ELAPOR1: variants seen among roughly 807,000 people sequenced by gnomAD.
ELAPOR1 encodes endosome/lysosome-associated apoptosis and autophagy regulator 1.
Under a neutral mutation model 119.7 loss-of-function variants are expected in ELAPOR1, and 77 were observed. The observed-to-expected ratio is 0.64, with a 90% CI of 0.54 to 0.78. ELAPOR1 has a LOEUF of 0.78. Ranked by LOEUF, ELAPOR1 falls within the 30% of genes least tolerant of loss-of-function variation. The pLI, the probability that ELAPOR1 is intolerant of heterozygous loss-of-function variation, is 0.00. For synonymous variants in ELAPOR1, 481 were observed against 487.2 expected, an observed-to-expected ratio of 0.99 and a Z score of 0.17; for missense variants, 1,115 against 1,270.4, an observed-to-expected ratio of 0.88 and a Z score of 1.86.
intron 1 of ELAPOR1, among the ~76,000 whole-genome samples, chr1:109,120,575 A>G (rs191968518): frequency 6.6e-6 from 1 of 152,192 alleles, no homozygotes; most frequent in African/African-American, 2.4e-5. Context: ...AGCAATCAAT[A>G]TCCATTGTTT....
Position 109,171,911 on chromosome 1 carries a change from C to G in ELAPOR1, c.513C>G (p.Asp171Glu). Residue 171 changes from aspartate (D) to glutamate (E), a missense_variant, in exon 4 of 22, where the codon GAC (aspartate) becomes GAG (glutamate). By Grantham distance (45) the Asp-to-Glu change is conservative (BLOSUM62 2). Coordinates refer to ENST00000369939, the MANE Select transcript of ELAPOR1 (RefSeq NM_020775.5). ...GCGACTACATCGCCTCCAACACGGA[C>G]GAATGCACAGCCACACTGATGTACG... ...PRGDYIASNT[D>E]ECTATLMYAV... is the part of the protein sequence containing the mutation. 6.2e-7 allele frequency: 1 copy of G among 1,614,198 alleles called. No homozygotes were observed. Among genetic ancestry groups the G allele is most frequent in the South Asian group, 1.1e-5 (1 of 91,088 alleles).
intron 1 of ELAPOR1, among the ~76,000 whole-genome samples, chr1:109,150,755 C>T (rs606823): frequency 0.59 from 89,186 of 152,052 alleles, 28,447 homozygotes; most frequent in East Asian, 0.91. Flanking sequence ...CTTCCCCCTT[C>T]GAAGGGGCTG....
rs191982248 is a variant in ELAPOR1 at position 109,163,050 on chromosome 1, C to T, written c.274+1036C>T. On this transcript the variant is annotated intron_variant, in intron 2 of 21. Transcript: ENST00000369939. ...ACTGAGCCAGCCATCCCCAGAGGAG[C>T]GCAGAGCCTAGTGGGTGGCAGACAT... Among the ~76,000 whole-genome samples, 4 of 152,334 alleles carry T rather than the reference C, an allele frequency of 2.6e-5. No individual in the cohort carries two copies. The East Asian group carries it at 7.7e-4, about 29-fold the overall frequency.
intron 20 of ELAPOR1, among the ~76,000 whole-genome samples, 190 bp from the exon 21 acceptor site, chr1:109,200,545 A>C (rs17034354): frequency 0.1 from 15,698 of 152,254 alleles, 881 homozygotes; most frequent in Middle Eastern, 0.21. Flanking sequence ...GACAGCCTTA[A>C]GGAACAAAGA....
At position 109,164,512 on chromosome 1, in the gene ELAPOR1, C is replaced by T. The variant is rs144842352; in HGVS notation, c.288C>T (p.Asn96=). 4.4e-5 allele frequency: 71 copies of T among 1,610,722 alleles called. No individual in the cohort carries two copies. Among genetic ancestry groups the T allele is most frequent in the Middle Eastern group, 1.6e-4 (1 of 6,074 alleles). The change falls in exon 3 of 22, where the codon AAC becomes AAT. Residue 96 remains asparagine (N), a synonymous_variant. Transcript: ENST00000369939. Reference sequence around the variant, plus strand: ...CCTGTTTTCCAGCCTTCTCCTGCAACGCCGGGGAGTTTCTGGATATGAAGG... The same window carrying T: ...CCTGTTTTCCAGCCTTCTCCTGCAATGCCGGGGAGTTTCTGGATATGAAGG... The part of the protein sequence containing the change: ...IKGTECSFSC[N]AGEFLDMKDQ...
At chr1:109,161,861 T>C (rs1651280979) in intron 1 of ELAPOR1, 33 bp from the exon 2 acceptor site, 2 of 1,590,618 alleles carry the variant, frequency 1.3e-6, no homozygotes, top group Non-Finnish European at 1.7e-6. Flanking sequence ...TCACTGCTAA[T>C]GCACATTTCG....
intron 1 of ELAPOR1, among the ~76,000 whole-genome samples, chr1:109,145,482 C>T (rs1438347994): frequency 2.6e-5 from 4 of 151,950 alleles, no homozygotes; most frequent in Non-Finnish European, 4.4e-5. Context: ...ATGGCGAAAC[C>T]CTGTCTCTAC....
intron 2 of ELAPOR1, among the ~76,000 whole-genome samples, chr1:109,163,247 A>C (rs886900386): frequency 6.6e-6 from 1 of 152,150 alleles, no homozygotes; most frequent in Non-Finnish European, 1.5e-5. Flanking sequence ...GAGGTGAAAA[A>C]AGATTTGTAG....
intron 21 of ELAPOR1, chr1:109,201,459 A>G: frequency 2.3e-6 from 1 of 431,388 alleles, no homozygotes; most frequent in South Asian, 1.6e-5. Context: ...CAATACTGTC[A>G]CTGGGTGTGG....
intron 1 of ELAPOR1, among the ~76,000 whole-genome samples, chr1:109,118,515 C>T (rs1303083465): frequency 6.6e-6 from 1 of 152,126 alleles, no homozygotes. Flanking sequence ...GAGACCAATA[C>T]TGAAGATATT....
Position 109,164,786 on chromosome 1 carries a change from G to T in ELAPOR1, c.467+95G>T, listed in dbSNP as rs550690819. 80 of 1,258,636 alleles carry T rather than the reference G, an allele frequency of 6.4e-5. 1 individual carries two copies. The South Asian group carries it at 1.2e-3, about 18-fold the overall frequency. 78.0% of individuals were successfully genotyped at this position (1,258,636 alleles called of 1,614,324 possible). A position where few individuals can be genotyped will look rare whatever the true frequency, so the allele number is the denominator to read the frequency against. ...CCTCCTCCGCTGCCCCTCAGGCTGG[G>T]CAGGGAGGATGGAGGGAAGAGGAAG... is the stretch of plus-strand genomic sequence containing the variant. On this transcript the variant is annotated intron_variant, in intron 3 of 21. Coordinates refer to ENST00000369939, the MANE Select transcript of ELAPOR1 (RefSeq NM_020775.5).
intron 11 of ELAPOR1, among the ~76,000 whole-genome samples, chr1:109,190,319 G>C (rs1027785389): frequency 2.0e-5 from 3 of 152,234 alleles, no homozygotes; most frequent in Admixed American, 6.5e-5. Context: ...ACTAACTGAG[G>C]TTCAGATGGC....
rs769629596 is a variant in ELAPOR1 at position 109,173,811 on chromosome 1, A to G, written c.926A>G (p.His309Arg). The change falls in exon 7 of 22, where the codon CAC becomes CGC. Residue 309 changes from histidine to arginine, a missense_variant. Transcript: ENST00000369939. ...TCAAATAAAGGAGAAACTTCTTGCC[A>G]CCAGTGTGACCCTGACAAATACTCA... ...SYSNKGETSC[H>R]QCDPDKYSEK... 7 of 1,614,076 alleles carry G rather than the reference A, an allele frequency of 4.3e-6. No homozygotes were observed. In the South Asian group the frequency reaches 6.6e-5, roughly 15 times the overall value.
chr1:109,185,165 C>T, intron 8 of ELAPOR1, 32 bp downstream of exon 8: 1 of 1,517,624 alleles, frequency 6.6e-7, no homozygotes. Context: ...CCCCTTAGCC[C>T]CAGATGGACT....
Position 109,114,225 on chromosome 1 carries a change from C to T in ELAPOR1, c.42C>T (p.Val14=), listed in dbSNP as rs1355779156. 6.2e-7 allele frequency: 1 copy of T among 1,605,204 alleles called. No homozygotes were observed. Among genetic ancestry groups the T allele is most frequent in the South Asian group, 1.1e-5 (1 of 89,458 alleles). ...ACAGCCACCATCTCTCCGCCAGAGT[C>T]AGGGGAAGAACTGAGAGGCGCATAC... The part of the protein sequence containing the change: ...PGHSHHLSAR[V]RGRTERRIPR... Residue 14 remains valine (V), a synonymous_variant, in exon 1 of 22, where the codon GTC becomes GTT. Coordinates refer to ENST00000369939, the MANE Select transcript of ELAPOR1 (RefSeq NM_020775.5).
chr1:109,177,229 G>T (rs1395927534), intron 7 of ELAPOR1, among the ~76,000 whole-genome samples: 2 of 141,638 alleles, frequency 1.4e-5, no homozygotes, highest in African/African-American at 2.7e-5. Context: ...CTGGCCGGGC[G>T]GGGGGCTGAC....
intron 14 of ELAPOR1, among the ~76,000 whole-genome samples, chr1:109,193,886 G>A (rs1040326513): frequency 2.6e-5 from 4 of 152,186 alleles, no homozygotes; most frequent in African/African-American, 9.7e-5. Flanking sequence ...TGCGGCTACC[G>A]CTGAATGGTG....
At chr1:109,169,621 C>T (rs1434533924) in intron 3 of ELAPOR1, among the ~76,000 whole-genome samples, 3 of 152,088 alleles carry the variant, frequency 2.0e-5, no homozygotes, top group Admixed American at 6.5e-5. Flanking sequence ...TGAGTGTTTT[C>T]GATTACCTGT....
At chr1:109,139,266 C>T (rs1323405345) in intron 1 of ELAPOR1, among the ~76,000 whole-genome samples, 1 of 152,044 alleles carries the variant, frequency 6.6e-6, no homozygotes, top group East Asian at 1.9e-4. Context: ...GGGAGGATTG[C>T]TTGGGCTGTG....
Sources: allele counts gnomAD v4.1 joint callset (sites outside exome capture counted in the v4.1 genomes callset), GRCh38; gene constraint gnomAD v4.1.1; transcripts MANE v1.5; gene names NCBI Gene and HGNC (gene_info 2026-07-23, HGNC 2026-07-21).